The following FRMD1 variants were observed in gnomAD, a reference collection of about 807,000 sequenced individuals.
FRMD1 encodes FERM domain containing 1.
FRMD1 carries 51 observed loss-of-function variants against 54.9 expected under a neutral mutation model. That is an observed-to-expected ratio of 0.93 (90% CI 0.74 to 1.17). FRMD1 has a LOEUF of 1.17. Ranked by LOEUF, FRMD1 falls within the 50% of genes most tolerant of loss-of-function variation. The probability of loss-of-function intolerance (pLI) is 0.00; values close to 1 mark genes in which losing one functional copy is unlikely to be tolerated. For synonymous variants in FRMD1, 324 were observed against 306.4 expected, an observed-to-expected ratio of 1.06 and a Z score of -0.60; for missense variants, 729 against 743.0, an observed-to-expected ratio of 0.98 and a Z score of 0.22.
At chr6:168,077,039 C>T (rs895013030) in intron 1 of FRMD1, among the ~76,000 whole-genome samples, 24 of 152,310 alleles carry the variant, frequency 1.6e-4, no homozygotes, top group Admixed American at 2.6e-4. Context: ...GATGCATGCA[C>T]ACCCCAACAG....
At chr6:168,057,399 C>T (rs989704074) in intron 10 of FRMD1, 60 bp from the exon 11 acceptor site, 75 of 1,576,886 alleles carry the variant, frequency 4.8e-5, no homozygotes, top group Admixed American at 1.9e-4. Flanking sequence ...CCACCGCACA[C>T]GGCAGCCACA....
At chr6:168,065,357 G>A (rs1373253080) in intron 4 of FRMD1, 1 of 1,186,664 alleles carries the variant, frequency 8.4e-7, no homozygotes, top group African/African-American at 1.6e-5. Flanking sequence ...CCAAGCCCCA[G>A]TGCAGGAGAG....
At chr6:168,066,968 G>T in intron 3 of FRMD1, 137 bp from the exon 4 acceptor site, 1 of 1,076,120 alleles carries the variant, frequency 9.3e-7, no homozygotes. Context: ...AGCCATAGCT[G>T]ACAATTCGAC....
upstream of FRMD1, among the ~76,000 whole-genome samples, chr6:168,083,428 A>G (rs1238067296): frequency 6.6e-6 from 1 of 152,266 alleles, no homozygotes; most frequent in African/African-American, 2.4e-5. Context: ...ACCGAACTTC[A>G]AAAAGTGATT....
intron 1 of FRMD1, among the ~76,000 whole-genome samples, chr6:168,090,207 C>T (rs1800993276): frequency 6.6e-6 from 1 of 152,162 alleles, no homozygotes; most frequent in Non-Finnish European, 1.5e-5. Flanking sequence ...TCTCCTCTGC[C>T]ATTCTTGTCC....
At chr6:168,084,565 T>C (rs1250522507), upstream of FRMD1, among the ~76,000 whole-genome samples, 3 of 152,016 alleles carry the variant, frequency 2.0e-5, no homozygotes, top group Non-Finnish European at 2.9e-5. Flanking sequence ...GGAGGTGCAT[T>C]GAGCTTGGTC....
chr6:168,060,641 C>G (rs906084799), intron 9 of FRMD1, 120 bp downstream of exon 9: 1 of 979,706 alleles, frequency 1.0e-6, no homozygotes, highest in Non-Finnish European at 1.5e-6. Context: ...CAGCCCCTCA[C>G]GTCTGGCCAC....
In FRMD1 at chr6:168,061,796, C is replaced by G. The variant is rs959768622; in HGVS notation, c.1045+11G>C. On this transcript the variant is annotated intron_variant, in intron 8 of 10. Transcript: ENST00000283309. The stretch of plus-strand genomic sequence containing the variant: ...CGGCTGCGGAGCCCAGCATACCCAG[C>G]CCAGCCCCACCTTCTGCCTCCTCCC... The G allele has an allele frequency of 6.5e-7, 1 of 1,544,842 alleles. No homozygotes were observed. The highest frequency in any genetic ancestry group is 8.7e-7 in the Non-Finnish European group (1 of 1,146,022).
intron 3 of FRMD1, 51 bp downstream of exon 3, chr6:168,067,314 CAG>C: frequency 8.2e-7 from 1 of 1,215,960 alleles, no homozygotes; most frequent in South Asian, 1.4e-5. Context: ...CCCCGTGGCC[CAG>C]CACAGCCCAC....
At chr6:168,068,602 G>T (rs1006672427) in intron 2 of FRMD1, among the ~76,000 whole-genome samples, 1 of 152,126 alleles carries the variant, frequency 6.6e-6, no homozygotes, top group African/African-American at 2.4e-5. Flanking sequence ...ACTATTTATT[G>T]TTATTATTTT....
upstream of FRMD1, among the ~76,000 whole-genome samples, chr6:168,080,538 C>T (rs1014678346): frequency 7.2e-5 from 11 of 152,188 alleles, no homozygotes; most frequent in East Asian, 1.9e-4. Context: ...GTCCCTGTGC[C>T]GGGTGCCCTC....
chr6:168,091,202 C>A (rs879148421), intron 1 of FRMD1, among the ~76,000 whole-genome samples: 1 of 152,214 alleles, frequency 6.6e-6, no homozygotes, highest in South Asian at 2.1e-4. Context: ...TTACTGCCAG[C>A]CGATAATAAA....
Position 168,062,693 on chromosome 6 carries a change from T to C in FRMD1, c.870+201A>G, listed in dbSNP as rs1054096685. ...CACCAGAAATGCCAGCTTCCCAACG[T>C]GGGGCCAGGGGAGGTCGTACAGCAG... On this transcript the variant is annotated intron_variant, in intron 7 of 10. Transcript: ENST00000283309. 3.2e-6 allele frequency: 5 copies of C among 1,550,620 alleles called. No homozygotes were observed. In the African/African-American group the frequency reaches 5.5e-5, roughly 17 times the overall value.
chr6:168,080,112 G>A (rs551157627), upstream of FRMD1, among the ~76,000 whole-genome samples: 8 of 152,286 alleles, frequency 5.3e-5, no homozygotes, highest in African/African-American at 1.4e-4. Flanking sequence ...CGGACGGGCC[G>A]TTGTTCATCT....
intron 2 of FRMD1, among the ~76,000 whole-genome samples, chr6:168,069,583 A>AG (rs1800199002): frequency 6.6e-6 from 1 of 152,156 alleles, no homozygotes; most frequent in Non-Finnish European, 1.5e-5. Flanking sequence ...AGGTCAGCAA[A>AG]AGGCCTTTTA....
intron 1 of FRMD1, chr6:168,075,780 T>TC (rs1449485094): frequency 6.4e-7 from 1 of 1,550,732 alleles, no homozygotes; most frequent in Non-Finnish European, 8.7e-7. Flanking sequence ...CCAACAGTGT[T>TC]CCTACAGCTG....
chr6:168,063,878 G>T (rs1329692630), intron 5 of FRMD1, 122 bp from the exon 6 acceptor site: 3 of 1,145,520 alleles, frequency 2.6e-6, no homozygotes, highest in Non-Finnish European at 3.6e-6. Context: ...GGTGGGCAGG[G>T]CCAGGGCCTG....
At position 168,056,895 on chromosome 6, in the gene FRMD1, C is replaced by T; in HGVS notation, c.*202G>A. ...AGCTCCCGGGTGTATGGCAGACAGGCATGAGGTGCGGGACCTGTTTGTTAC... is the reference window on the plus strand; with the variant it reads ...AGCTCCCGGGTGTATGGCAGACAGGTATGAGGTGCGGGACCTGTTTGTTAC... On this transcript the variant is annotated 3_prime_UTR_variant, in exon 11 of 11. Coordinates refer to ENST00000283309, the MANE Select transcript of FRMD1 (RefSeq NM_024919.6). 2.0e-6 allele frequency: 1 copy of T among 504,018 alleles called. No homozygotes were observed. Among genetic ancestry groups the T allele is most frequent in the Non-Finnish European group, 3.2e-6 (1 of 308,770 alleles). The allele number at this position is 504,018 out of a possible 1,614,324, so 31.2% of individuals were successfully genotyped here. A position where few individuals can be genotyped will look rare whatever the true frequency, so the allele number is the denominator to read the frequency against.
chr6:168,073,117 C>A (rs909549766), intron 2 of FRMD1, among the ~76,000 whole-genome samples: 2 of 152,186 alleles, frequency 1.3e-5, no homozygotes, highest in African/African-American at 4.8e-5. Context: ...CAGTATTCAA[C>A]CTTGACAGCA....
Sources: gnomAD v4.1 joint callset for allele counts (sites outside exome capture counted in the v4.1 genomes callset) on GRCh38, gnomAD v4.1.1 for gene constraint, MANE v1.5 for transcripts, NCBI Gene and HGNC (gene_info 2026-07-23, HGNC 2026-07-21) for gene names.